Variants in FAF1 observed in about 807,000 individuals in gnomAD.
FAF1 encodes the protein FAS-associated factor 1.
In FAF1, 25 loss-of-function variants were observed where a neutral mutation model predicts 92.5. That is an observed-to-expected ratio of 0.27 (90% confidence interval 0.20 to 0.38). The LOEUF is 0.38. FAF1 is among the 10% of genes least tolerant of loss of function. The probability of loss-of-function intolerance (pLI) is 1.00; values close to 1 mark genes in which losing one functional copy is unlikely to be tolerated. For missense variants in FAF1, 636 were observed against 793.3 expected (o/e 0.80, Z 2.38); for synonymous variants, 234 against 273.2 (o/e 0.86, Z 1.42).
intron 2 of FAF1, among the ~76,000 whole-genome samples, chr1:50,827,460 T>C (rs1644111575): frequency 1.3e-5 from 2 of 152,150 alleles, no homozygotes; most frequent in Non-Finnish European, 2.9e-5. Flanking sequence ...CACCACTCCC[T>C]AATCTCAAGT....
intron 2 of FAF1, among the ~76,000 whole-genome samples, chr1:50,829,815 C>G (rs114040389): frequency 6.6e-6 from 1 of 152,178 alleles, no homozygotes; most frequent in Non-Finnish European, 1.5e-5. Context: ...GTTGTTTAAA[C>G]GTCATGAGCC....
chr1:50,761,560 G>T (rs1372294721), intron 4 of FAF1, among the ~76,000 whole-genome samples: 8 of 152,086 alleles, frequency 5.3e-5, no homozygotes, highest in Non-Finnish European at 7.3e-5. Flanking sequence ...ATGTAATCCA[G>T]CATATAAACA....
At chr1:50,689,576 TC>T (rs1569771116) in intron 7 of FAF1, among the ~76,000 whole-genome samples, 1 of 151,968 alleles carries the variant, frequency 6.6e-6, no homozygotes, top group East Asian at 1.9e-4. Flanking sequence ...AGAGCGAGAC[TC>T]CGTCTGAAAA....
chr1:50,455,768 T>C (rs1360930800), intron 18 of FAF1, among the ~76,000 whole-genome samples: 5 of 152,326 alleles, frequency 3.3e-5, no homozygotes, highest in African/African-American at 1.2e-4. Flanking sequence ...GAGACATGGT[T>C]CCCAGCTTAA....
chr1:50,521,362 T>C (rs1351232701), intron 15 of FAF1, among the ~76,000 whole-genome samples: 1 of 152,132 alleles, frequency 6.6e-6, no homozygotes, highest in African/African-American at 2.4e-5. Context: ...TCTCCAAACA[T>C]AGGAATTCAA....
At chr1:50,763,979 T>C (rs1660461901) in intron 4 of FAF1, among the ~76,000 whole-genome samples, 1 of 152,162 alleles carries the variant, frequency 6.6e-6, no homozygotes. Context: ...GCATTTTCTT[T>C]ATATACTTCA....
chr1:50,565,466 A>C (rs185917044), intron 13 of FAF1, among the ~76,000 whole-genome samples: 2 of 152,224 alleles, frequency 1.3e-5, no homozygotes, highest in Admixed American at 6.5e-5. Context: ...AAAAAGTGTC[A>C]TAAGGAGTTA....
chr1:50,761,841 C>T (rs935773515), intron 4 of FAF1, among the ~76,000 whole-genome samples: 1 of 151,920 alleles, frequency 6.6e-6, no homozygotes, highest in Non-Finnish European at 1.5e-5. Flanking sequence ...CTGGCCAGGG[C>T]AATTAGGCAG....
chr1:50,836,316 A>G (rs942479852), intron 2 of FAF1, among the ~76,000 whole-genome samples: 1 of 151,126 alleles, frequency 6.6e-6, no homozygotes, highest in Non-Finnish European at 1.5e-5. Flanking sequence ...GTATAATAGC[A>G]TGAGTCACCA....
At chr1:50,536,410 A>G (rs1648485248) in intron 14 of FAF1, among the ~76,000 whole-genome samples, 2 of 152,206 alleles carry the variant, frequency 1.3e-5, no homozygotes, top group African/African-American at 4.8e-5. Context: ...AGGCTTGAGA[A>G]GGGATCTTCT....
intron 6 of FAF1, among the ~76,000 whole-genome samples, chr1:50,717,265 T>C (rs530069307): frequency 2.8e-4 from 43 of 152,252 alleles, no homozygotes; most frequent in African/African-American, 1.0e-3. Flanking sequence ...TATTTGGATA[T>C]GGGGTCTTTG....
chr1:50,536,290 T>C (rs1177632722), intron 14 of FAF1, among the ~76,000 whole-genome samples: 1 of 152,174 alleles, frequency 6.6e-6, no homozygotes, highest in Non-Finnish European at 1.5e-5. Flanking sequence ...ATTTAAGTCA[T>C]TGTTATTTGC....
At chr1:50,741,263 A>G (rs915901097) in intron 5 of FAF1, among the ~76,000 whole-genome samples, 6 of 152,226 alleles carry the variant, frequency 3.9e-5, no homozygotes, top group African/African-American at 1.4e-4. Context: ...CATTCCAGGC[A>G]GTTGAATAGC....
intron 18 of FAF1, among the ~76,000 whole-genome samples, chr1:50,455,972 G>A (rs1160397721): frequency 6.6e-6 from 1 of 152,110 alleles, no homozygotes; most frequent in Non-Finnish European, 1.5e-5. Context: ...CTACTCAGGA[G>A]GCTGAGGCAG....
intron 2 of FAF1, among the ~76,000 whole-genome samples, chr1:50,813,348 G>C (rs969707764): frequency 1.3e-5 from 2 of 152,106 alleles, no homozygotes; most frequent in East Asian, 1.9e-4. Context: ...ATTTCACTGA[G>C]AGGAAAACCA....
At chr1:50,839,084 G>T (rs1309404470) in intron 2 of FAF1, among the ~76,000 whole-genome samples, 2 of 151,954 alleles carry the variant, frequency 1.3e-5, no homozygotes, top group East Asian at 3.9e-4. Flanking sequence ...GCAAGAAGCA[G>T]AGAAGTTTTC....
At chr1:50,731,615 G>A (rs1245841572) in intron 6 of FAF1, among the ~76,000 whole-genome samples, 4 of 151,858 alleles carry the variant, frequency 2.6e-5, no homozygotes, top group African/African-American at 4.8e-5. Flanking sequence ...TGATCCGCCC[G>A]CCTTGGCATC....
intron 6 of FAF1, among the ~76,000 whole-genome samples, chr1:50,716,875 G>A (rs766905906): frequency 2.6e-5 from 4 of 152,178 alleles, no homozygotes; most frequent in African/African-American, 4.8e-5. Context: ...CCCCTTCCAC[G>A]CTGTGGAAGC....
At chr1:50,759,528 C>T (rs1001863456) in intron 4 of FAF1, among the ~76,000 whole-genome samples, 1 of 151,962 alleles carries the variant, frequency 6.6e-6, no homozygotes, top group East Asian at 1.9e-4. Context: ...ATATGTGCCA[C>T]ATTTTCTTAA....
Sources: allele counts gnomAD v4.1 joint callset (sites outside exome capture counted in the v4.1 genomes callset), GRCh38; gene constraint gnomAD v4.1.1; transcripts MANE v1.5; gene names NCBI Gene and HGNC (gene_info 2026-07-23, HGNC 2026-07-21).